The following TMEM233 variants were observed in gnomAD, a reference collection of about 807,000 sequenced individuals.
TMEM233 encodes the protein transmembrane protein 233.
In TMEM233, 6 loss-of-function variants were observed where a neutral mutation model predicts 11.2. The ratio of observed to expected loss-of-function variants is 0.54; its 90% CI spans 0.29 to 1.06. TMEM233 has a LOEUF of 1.06. TMEM233 is among the 50% of genes least tolerant of loss of function. The probability of loss-of-function intolerance (pLI) is 0.08; values close to 1 mark genes in which losing one functional copy is unlikely to be tolerated. For missense variants in TMEM233, 127 were observed against 144.7 expected (o/e 0.88, Z 0.63); for synonymous variants, 59 against 55.8 (o/e 1.06, Z -0.26).
At chr12:119,634,045 A>G (rs1954931754) in intron 2 of TMEM233, among the ~76,000 whole-genome samples, 1 of 152,228 alleles carries the variant, frequency 6.6e-6, no homozygotes, top group Admixed American at 6.5e-5. Flanking sequence ...ATATCCTGCC[A>G]CCAAAGTCCA....
chr12:119,649,511 C>A, the TMEM233 span, among the ~76,000 whole-genome samples: 1 of 152,176 alleles, frequency 6.6e-6, no homozygotes, highest in East Asian at 1.9e-4. Context: ...GATCCAGAAA[C>A]AAACTGGAAG....
intron 2 of TMEM233, 23 bp downstream of exon 2, chr12:119,629,895 T>G (rs983282733): frequency 9.1e-6 from 14 of 1,544,864 alleles, no homozygotes; most frequent in African/African-American, 1.4e-5. Flanking sequence ...TTTGAATCCC[T>G]CCCCATGTCA....
chr12:119,644,446 C>CAAA (rs1566118178), downstream of TMEM233, among the ~76,000 whole-genome samples: 3 of 151,022 alleles, frequency 2.0e-5, no homozygotes. Context: ...ATATGCAGGG[C>CAAA]AAAGTAATCT....
intron 2 of TMEM233, among the ~76,000 whole-genome samples, chr12:119,635,915 G>C (rs543363329): frequency 6.6e-6 from 1 of 152,198 alleles, no homozygotes; most frequent in East Asian, 1.9e-4. Context: ...AGGAAGGGGC[G>C]TGGTGTTTCC....
At chr12:119,605,258 C>CA (rs1954250472) in intron 1 of TMEM233, among the ~76,000 whole-genome samples, 2 of 152,032 alleles carry the variant, frequency 1.3e-5, no homozygotes, top group South Asian at 2.1e-4. Context: ...TTGTTCCTTG[C>CA]AAAAATCCCA....
chr12:119,607,873 A>G (rs574048542), intron 1 of TMEM233, among the ~76,000 whole-genome samples: 1 of 152,320 alleles, frequency 6.6e-6, no homozygotes, highest in Non-Finnish European at 1.5e-5. Context: ...GGCGTGAGCC[A>G]CCATGCCCAA....
chr12:119,602,206 G>A (rs1384223877), intron 1 of TMEM233, among the ~76,000 whole-genome samples: 7 of 151,552 alleles, frequency 4.6e-5, no homozygotes, highest in East Asian at 1.9e-4. Context: ...CTGCTCACAC[G>A]TCAAAACTGC....
intron 2 of TMEM233, chr12:119,631,003 C>A (rs1445466498): frequency 6.6e-6 from 1 of 152,190 alleles, no homozygotes; most frequent in Non-Finnish European, 1.5e-5. Context: ...ATTTCTCTAA[C>A]CAGCTCAGAT....
chr12:119,632,841 G>T (rs1954911819), intron 2 of TMEM233, among the ~76,000 whole-genome samples: 1 of 152,152 alleles, frequency 6.6e-6, no homozygotes, highest in African/African-American at 2.4e-5. Context: ...AACAATATTT[G>T]CAGCCTAGAC....
chr12:119,640,072 C>T (rs909457592), intron 2 of TMEM233, among the ~76,000 whole-genome samples: 1 of 152,230 alleles, frequency 6.6e-6, no homozygotes, highest in Admixed American at 6.5e-5. Context: ...AACAGCACTA[C>T]TATACTAATC....
intron 1 of TMEM233, among the ~76,000 whole-genome samples, chr12:119,628,430 G>C (rs1249615776): frequency 1.3e-5 from 2 of 151,034 alleles, no homozygotes; most frequent in Non-Finnish European, 2.9e-5. Flanking sequence ...CAAAGTGCTG[G>C]GATTACAGGC....
chr12:119,639,547 A>G (rs7958547), intron 2 of TMEM233, among the ~76,000 whole-genome samples: 115,661 of 151,248 alleles, frequency 0.76, 44,417 homozygotes, highest in Middle Eastern at 0.85. Flanking sequence ...GCATGAACCC[A>G]GGAGGTGGAG....
At chr12:119,647,102 C>T (rs1228901341), downstream of TMEM233, among the ~76,000 whole-genome samples, 2 of 152,084 alleles carry the variant, frequency 1.3e-5, no homozygotes, top group African/African-American at 2.4e-5. Context: ...TGCTATGTGG[C>T]CCAGGCTAGT....
Position 119,641,433 on chromosome 12 carries a change from T to C in TMEM233, c.*728T>C, listed in dbSNP as rs757382441. 7.2e-5 allele frequency: 11 copies of C among 152,046 alleles called. No individual in the cohort carries two copies. Among genetic ancestry groups the C allele is most frequent in the Non-Finnish European group, 1.3e-4 (9 of 68,014 alleles). The allele number at this position is 152,046 out of a possible 1,614,324, so 9.4% of individuals were successfully genotyped here. ...AATGGACTTAGTGGCCAATTCTAGG[T>C]ACATGAGCACTTCCTGTATCCCAGT... is the stretch of plus-strand genomic sequence containing the variant. On this transcript the variant is annotated 3_prime_UTR_variant, in exon 3 of 3. Coordinates refer to ENST00000426426, the MANE Select transcript of TMEM233 (RefSeq NM_001136534.3).
intron 1 of TMEM233, among the ~76,000 whole-genome samples, chr12:119,617,043 C>T (rs189147606): frequency 6.6e-6 from 1 of 152,174 alleles, no homozygotes; most frequent in East Asian, 1.9e-4. Flanking sequence ...CAGACAATTA[C>T]AGTAAATTGG....
chr12:119,622,828 G>A (rs1171599388), intron 1 of TMEM233, among the ~76,000 whole-genome samples: 1 of 152,200 alleles, frequency 6.6e-6, no homozygotes, highest in Non-Finnish European at 1.5e-5. Context: ...AAAAGGATTT[G>A]TGGGGAGAGG....
intron 1 of TMEM233, among the ~76,000 whole-genome samples, chr12:119,599,582 C>G (rs1458847093): frequency 1.3e-5 from 2 of 152,118 alleles, no homozygotes; most frequent in Non-Finnish European, 2.9e-5. Context: ...GTAGATGACA[C>G]TGAAATCTAA....
At chr12:119,622,078 T>G (rs527684835) in intron 1 of TMEM233, among the ~76,000 whole-genome samples, 2 of 152,352 alleles carry the variant, frequency 1.3e-5, no homozygotes, top group African/African-American at 4.8e-5. Context: ...GTTTTAATAT[T>G]TGAGGGATCA....
chr12:119,652,550 C>A, the TMEM233 span, among the ~76,000 whole-genome samples: 1 of 152,122 alleles, frequency 6.6e-6, no homozygotes, highest in Non-Finnish European at 1.5e-5. Context: ...GAACAGAGCT[C>A]AAGCCAAAAG....
Sources: gnomAD v4.1 joint callset for allele counts (sites outside exome capture counted in the v4.1 genomes callset) on GRCh38, gnomAD v4.1.1 for gene constraint, MANE v1.5 for transcripts, NCBI Gene and HGNC (gene_info 2026-07-23, HGNC 2026-07-21) for gene names.